PIK3R4: variants seen among roughly 807,000 people sequenced by gnomAD.
PIK3R4 encodes phosphoinositide-3-kinase regulatory subunit 4, also known as phosphoinositide 3-kinase regulatory subunit 4.
Under a neutral mutation model 136.5 loss-of-function variants are expected in PIK3R4, and 46 were observed. The observed-to-expected ratio is 0.34, with a 90% CI of 0.27 to 0.43. The LOEUF (loss-of-function observed/expected upper bound fraction) is 0.43, where lower values mean the gene tolerates loss of function less well. PIK3R4 is among the 20% of genes least tolerant of loss of function. The probability of loss-of-function intolerance (pLI) is 1.00; values close to 1 mark genes in which losing one functional copy is unlikely to be tolerated. For missense variants in PIK3R4, 1,331 were observed against 1,649.5 expected (o/e 0.81, Z 3.35); for synonymous variants, 557 against 566.7 (o/e 0.98, Z 0.24).
In PIK3R4 at chr3:130,716,465, A is replaced by T. The variant is rs1472810256; in HGVS notation, c.2262T>A (p.Gly754=). 6.2e-7 allele frequency: 1 copy of T among 1,614,160 alleles called. No individual in the cohort carries two copies. Among genetic ancestry groups the T allele is most frequent in the East Asian group, 2.2e-5 (1 of 44,874 alleles). ...HLHMRQKKRN[G]SLPDCPPPED... ...CTGGCGGAGGGCAGTCGGGAAGAGA[A>T]CCATTTCGTTTCTTCTGACGCATGT... Residue 754 remains glycine, a synonymous_variant, in exon 9 of 20, where the codon GGT becomes GGA. Transcript: ENST00000356763.
At chr3:130,741,798 G>A (rs915894562) in intron 2 of PIK3R4, among the ~76,000 whole-genome samples, 17 of 152,134 alleles carry the variant, frequency 1.1e-4, no homozygotes, top group South Asian at 2.1e-4. Flanking sequence ...TGGCACCTAC[G>A]TAACAATGGC....
chr3:130,743,156 A>G (rs1315236757), intron 2 of PIK3R4, among the ~76,000 whole-genome samples: 1 of 152,134 alleles, frequency 6.6e-6, no homozygotes, highest in East Asian at 1.9e-4. Flanking sequence ...CATGCCTGTA[A>G]TCCCAATACT....
rs775742194 is a variant in PIK3R4, at chr3:130,733,879, ATTTTCC to A, written c.1113_1118del (p.Lys371_Glu372del). The A allele has an allele frequency of 1.9e-6, 3 of 1,614,106 alleles. No individual in the cohort carries two copies. In the South Asian group the frequency reaches 3.3e-5, roughly 18 times the overall value. On this transcript the variant is annotated inframe_deletion, in exon 4 of 20. Transcript: ENST00000356763. ...TAACAGATACCAAGATAACCAGCCC[ATTTTCC>A]TTAGGCTCTCCTTCGGCTTTTTCTG...
chr3:130,734,196 T>C, intron 3 of PIK3R4, 66 bp from the exon 4 acceptor site: 1 of 1,295,044 alleles, frequency 7.7e-7, no homozygotes, highest in Non-Finnish European at 1.1e-6. Context: ...AGATGAAAGC[T>C]ACAAAGGCAA....
At chr3:130,709,724 A>C (rs1301888779) in intron 9 of PIK3R4, among the ~76,000 whole-genome samples, 1 of 152,116 alleles carries the variant, frequency 6.6e-6, no homozygotes, top group Non-Finnish European at 1.5e-5. Flanking sequence ...TACATGCTAC[A>C]ACATAGGGGG....
At chr3:130,680,448 C>T (rs1251404092) in intron 19 of PIK3R4, 165 bp downstream of exon 19, 3 of 466,962 alleles carry the variant, frequency 6.4e-6, no homozygotes, top group African/African-American at 5.9e-5. Flanking sequence ...CTTATTTTAC[C>T]TTAATAAAAG....
chr3:130,680,788 T>G, intron 18 of PIK3R4, 67 bp from the exon 19 acceptor site: 6 of 1,012,352 alleles, frequency 5.9e-6, no homozygotes, highest in Non-Finnish European at 9.1e-6. Flanking sequence ...AATCATTGGC[T>G]TATCTTCATC....
intron 4 of PIK3R4, 76 bp downstream of exon 4, chr3:130,733,472 C>A: frequency 1.1e-6 from 1 of 928,450 alleles, no homozygotes; most frequent in Admixed American, 2.3e-5. Context: ...TCAAACAAAT[C>A]AGAAAAACAA....
At chr3:130,732,992 C>A (rs2066766839) in intron 4 of PIK3R4, among the ~76,000 whole-genome samples, 1 of 152,054 alleles carries the variant, frequency 6.6e-6, no homozygotes, top group Non-Finnish European at 1.5e-5. Flanking sequence ...GAATCTGTAT[C>A]ACCTGATTTT....
intron 2 of PIK3R4, 50 bp from the exon 3 acceptor site, chr3:130,736,052 T>C: frequency 6.9e-7 from 1 of 1,453,582 alleles, no homozygotes; most frequent in South Asian, 1.3e-5. Context: ...AAAAATATCA[T>C]GCAATATAGA....
chr3:130,715,873 T>C (rs535795113), intron 9 of PIK3R4, among the ~76,000 whole-genome samples: 13 of 152,354 alleles, frequency 8.5e-5, no homozygotes, highest in East Asian at 1.9e-4. Context: ...ATTTTGTTAA[T>C]TGATTCAAAT....
Position 130,718,491 on chromosome 3 carries a change from G to A in PIK3R4, c.2025C>T (p.Ala675=), listed in dbSNP as rs746605509. ...CHPNLWIRYG[A]VGFITVVARQ... ...GAGCTACCACTGTGATAAATCCCAC[G>A]GCACCATAACGTATCCATAAATTGG... The change falls in exon 8 of 20, where the codon GCC becomes GCT. Residue 675 remains alanine (A), a synonymous_variant. Transcript: ENST00000356763. 6 of 1,613,594 alleles carry A rather than the reference G, an allele frequency of 3.7e-6. No homozygotes were observed. The highest frequency in any genetic ancestry group is 3.3e-5 in the Admixed American group (2 of 59,992).
At chr3:130,734,651 C>G (rs551205130) in intron 3 of PIK3R4, among the ~76,000 whole-genome samples, 40 of 152,304 alleles carry the variant, frequency 2.6e-4, no homozygotes, top group African/African-American at 9.1e-4. Flanking sequence ...GTAGGGGAAT[C>G]AGTGGCTTAA....
rs566233051 is a variant in PIK3R4 at position 130,709,290 on chromosome 3, A to T, written c.2332-798T>A. Among the ~76,000 whole-genome samples, 7 of 152,254 alleles carry T rather than the reference A, an allele frequency of 4.6e-5. No homozygotes were observed. The South Asian group carries it at 1.0e-3, about 23-fold the overall frequency. ...TATTCTGGTAAATGTGGCAGCTCTG[A>T]GTGTCTTTCTTCCCAACCATCCACA... is the stretch of plus-strand genomic sequence containing the variant. On this transcript the variant is annotated intron_variant, in intron 9 of 19. Coordinates refer to ENST00000356763, the MANE Select transcript of PIK3R4 (RefSeq NM_014602.3).
At position 130,733,854 on chromosome 3, in the gene PIK3R4, T is replaced by C; in HGVS notation, c.1144A>G (p.Ile382Val). Residue 382 changes from isoleucine to valine, a missense_variant, in exon 4 of 20, where the codon ATA (isoleucine) becomes GTA (valine). Physicochemically the swap from Ile to Val is conservative, Grantham distance 29. Around this residue, in one of 2 missense-constraint regions of PIK3R4, gnomAD observed 1,180 missense variants for 1,407.0 expected, o/e 0.84. Transcript: ENST00000356763. ...TTAAGGGTCTGTAGGCAGGATGTTA[T>C]AACAGATACCAAGATAACCAGCCCA... ...ENGLVILVSVITSCLQTLKYC... is the reference protein window; with the variant it reads ...ENGLVILVSVVTSCLQTLKYC... The C allele has an allele frequency of 1.2e-6, 2 of 1,614,192 alleles. No individual in the cohort carries two copies. Among genetic ancestry groups the C allele is most frequent in the Non-Finnish European group, 1.7e-6 (2 of 1,180,014 alleles).
intron 11 of PIK3R4, among the ~76,000 whole-genome samples, chr3:130,706,743 T>G (rs913811860): frequency 3.9e-5 from 6 of 152,212 alleles, no homozygotes; most frequent in African/African-American, 1.4e-4. Context: ...TACTCTAAAA[T>G]GAGATCTTTT....
intron 2 of PIK3R4, among the ~76,000 whole-genome samples, chr3:130,743,421 A>G (rs896272034): frequency 4.6e-5 from 7 of 152,162 alleles, no homozygotes; most frequent in Non-Finnish European, 1.0e-4. Context: ...TCTAAAAAAT[A>G]ATAATAAATT....
chr3:130,686,299 T>G lies in PIK3R4; in HGVS notation c.3387A>C (p.Ser1129=). 1 of 1,613,580 alleles carries G rather than the reference T, an allele frequency of 6.2e-7. No homozygotes were observed. The highest frequency in any genetic ancestry group is 8.5e-7 in the Non-Finnish European group (1 of 1,179,572). Residue 1129 remains serine, a synonymous_variant, in exon 15 of 20, where the codon TCA becomes TCC. Transcript: ENST00000356763. The part of the protein sequence containing the change: ...GSLVGWDLRS[S]SNAWTLKHDL... ...CATGCTTTAAAGTCCACGCATTGCT[T>G]GAAGACCTAAGGTCCCAGCCAACCA... is the stretch of plus-strand genomic sequence containing the variant.
chr3:130,742,431 A>G (rs909605457), intron 2 of PIK3R4, among the ~76,000 whole-genome samples: 1 of 152,262 alleles, frequency 6.6e-6, no homozygotes, highest in South Asian at 2.1e-4. Context: ...AAAGGATTAC[A>G]TAACAATTAG....
Sources: allele counts gnomAD v4.1 joint callset (sites outside exome capture counted in the v4.1 genomes callset), GRCh38; gene constraint gnomAD v4.1.1; regional missense constraint gnomAD v4.1.1; transcripts MANE v1.5; gene names NCBI Gene and HGNC (gene_info 2026-07-23, HGNC 2026-07-21).